Variants in KIAA1217 observed in about 807,000 individuals in gnomAD.
KIAA1217 encodes the protein sickle tail protein homolog.
KIAA1217 carries 88 observed loss-of-function variants against 163.9 expected under a neutral mutation model. That is an observed-to-expected ratio of 0.54 (90% confidence interval 0.45 to 0.64). KIAA1217 has a LOEUF of 0.64. Among genes scored for constraint, KIAA1217 ranks in the 30% least tolerant of loss-of-function variants. The pLI is 0.00. For missense variants in KIAA1217, 2,372 were observed against 2,475.0 expected (o/e 0.96, Z 0.88); for synonymous variants, 903 against 923.1 (o/e 0.98, Z 0.39).
intron 1 of KIAA1217, among the ~76,000 whole-genome samples, chr10:23,730,020 G>A (rs1838388060): frequency 6.6e-6 from 1 of 151,966 alleles, no homozygotes; most frequent in Middle Eastern, 3.2e-3. Context: ...TCCTGCCTCA[G>A]TCTCCCAAGT....
intron 1 of KIAA1217, among the ~76,000 whole-genome samples, chr10:23,907,292 T>TTGTG (rs146002283): frequency 0.016 from 2,388 of 145,842 alleles, 62 homozygotes; most frequent in African/African-American, 0.056. Context: ...CCAATATGAT[T>TTGTG]TGTGTGTGTG....
intron 5 of KIAA1217, among the ~76,000 whole-genome samples, chr10:24,447,476 A>G (rs1469418060): frequency 1.3e-5 from 2 of 152,056 alleles, no homozygotes; most frequent in Middle Eastern, 3.4e-3. Flanking sequence ...TATGAGTGAG[A>G]ACATGTGGTG....
intron 2 of KIAA1217, among the ~76,000 whole-genome samples, chr10:24,042,664 T>C (rs1282189972): frequency 6.6e-6 from 1 of 152,144 alleles, no homozygotes; most frequent in Non-Finnish European, 1.5e-5. Context: ...AAATAACCAA[T>C]AATTATTAGG....
In KIAA1217 at chr10:24,452,217, A is replaced by G. The variant is rs138486481; in HGVS notation, c.846+13738A>G. ...CTTGCATGTGGTTTGCAGAAGTCAT[A>G]GATACTCTGTCCGCTTTTGAGGAAC... On this transcript the variant is annotated intron_variant, in intron 5 of 20. Transcript: ENST00000376454. Among the ~76,000 whole-genome samples the G allele has an allele frequency of 1.4e-4, 21 of 152,278 alleles. No individual in the cohort carries two copies. In the East Asian group the frequency reaches 3.9e-3, roughly 28 times the overall value.
At chr10:24,281,686 A>G (rs2132225988) in intron 2 of KIAA1217, among the ~76,000 whole-genome samples, 1 of 152,288 alleles carries the variant, frequency 6.6e-6, no homozygotes, top group South Asian at 2.1e-4. Flanking sequence ...TATCATGAGT[A>G]GACTAGGGTT....
intron 5 of KIAA1217, among the ~76,000 whole-genome samples, chr10:24,459,991 GT>G (rs1339695506): frequency 1.3e-5 from 2 of 152,186 alleles, no homozygotes; most frequent in Non-Finnish European, 2.9e-5. Context: ...CAAAATGCTA[GT>G]TCCGGGACTC....
intron 2 of KIAA1217, among the ~76,000 whole-genome samples, chr10:24,116,159 C>T (rs2131759251): frequency 6.6e-6 from 1 of 152,216 alleles, no homozygotes; most frequent in Non-Finnish European, 1.5e-5. Context: ...TCTACCCCCA[C>T]CCCAGGCCTC....
chr10:23,971,925 G>A (rs1254728277), intron 1 of KIAA1217, among the ~76,000 whole-genome samples: 2 of 152,148 alleles, frequency 1.3e-5, no homozygotes, highest in Non-Finnish European at 2.9e-5. Context: ...ACACTCTCTT[G>A]TATTGATTCC....
chr10:23,845,666 T>A (rs1003012576), intron 1 of KIAA1217, among the ~76,000 whole-genome samples: 3 of 152,210 alleles, frequency 2.0e-5, no homozygotes, highest in African/African-American at 7.2e-5. Context: ...GCAAAAAATT[T>A]CTCCCATTCT....
chr10:24,310,856 G>T (rs1564449701), intron 2 of KIAA1217, among the ~76,000 whole-genome samples: 1 of 152,244 alleles, frequency 6.6e-6, no homozygotes, highest in East Asian at 1.9e-4. Flanking sequence ...AATTAGCCAA[G>T]TGTGGTGGTG....
At chr10:24,096,287 A>G (rs948130360) in intron 2 of KIAA1217, among the ~76,000 whole-genome samples, 1 of 152,030 alleles carries the variant, frequency 6.6e-6, no homozygotes, top group African/African-American at 2.4e-5. Flanking sequence ...CAGATCCCCC[A>G]TGGCTGATCA....
chr10:23,922,428 G>A (rs1381270639), intron 1 of KIAA1217, among the ~76,000 whole-genome samples: 2 of 152,176 alleles, frequency 1.3e-5, no homozygotes, highest in Non-Finnish European at 2.9e-5. Context: ...TGAGAAGGGG[G>A]TTATGGGAAT....
At chr10:23,774,560 G>T (rs1834930216) in intron 1 of KIAA1217, among the ~76,000 whole-genome samples, 1 of 152,198 alleles carries the variant, frequency 6.6e-6, no homozygotes, top group Non-Finnish European at 1.5e-5. Context: ...CAGTTCTCTT[G>T]AGGATGGAAA....
At chr10:24,193,171 G>A (rs1467222122) in intron 2 of KIAA1217, among the ~76,000 whole-genome samples, 1 of 151,712 alleles carries the variant, frequency 6.6e-6, no homozygotes, top group Non-Finnish European at 1.5e-5. Context: ...TTCCCACCTC[G>A]GCCTCCCCCT....
chr10:24,473,748 G>A lies in KIAA1217; in HGVS notation c.1367G>A (p.Arg456Lys). 6.2e-7 allele frequency: 1 copy of A among 1,614,044 alleles called. No homozygotes were observed. The highest frequency in any genetic ancestry group is 1.1e-5 in the South Asian group (1 of 91,072). Residue 456 changes from arginine (R) to lysine (K), a missense_variant, in exon 6 of 21, where the codon AGG becomes AAG. Physicochemically the swap from Arg to Lys is conservative, Grantham distance 26. Around this residue, in one of 3 missense-constraint regions of KIAA1217, gnomAD observed 1,431 missense variants for 1,470.3 expected, o/e 0.97. Coordinates refer to ENST00000376454, the MANE Select transcript of KIAA1217 (RefSeq NM_019590.5). Reference protein sequence around the residue: ...MEQSLYRQKSRKYPDSHLPTL... With the variant: ...MEQSLYRQKSKKYPDSHLPTL... ...CAATCACTGTACAGACAGAAATCAA[G>A]GAAATATCCGGATAGCCATTTGCCT... is the stretch of plus-strand genomic sequence containing the variant.
At chr10:23,982,986 C>T (rs1035161103) in intron 1 of KIAA1217, among the ~76,000 whole-genome samples, 1 of 151,976 alleles carries the variant, frequency 6.6e-6, no homozygotes, top group African/African-American at 2.4e-5. Flanking sequence ...GATTGCCTAG[C>T]CTTGATCTCG....
intron 1 of KIAA1217, among the ~76,000 whole-genome samples, chr10:23,932,171 C>A (rs1315273930): frequency 1.3e-5 from 2 of 152,104 alleles, no homozygotes; most frequent in African/African-American, 4.8e-5. Flanking sequence ...CTGAAGTTGA[C>A]CTCCTGGGAC....
At chr10:23,886,396 G>C (rs1404840410) in intron 1 of KIAA1217, among the ~76,000 whole-genome samples, 3 of 151,982 alleles carry the variant, frequency 2.0e-5, no homozygotes, top group Non-Finnish European at 4.4e-5. Context: ...TTGCCTTTTA[G>C]TCAAAACAGT....
At chr10:24,121,703 A>G (rs1442312892) in intron 2 of KIAA1217, among the ~76,000 whole-genome samples, 1 of 152,216 alleles carries the variant, frequency 6.6e-6, no homozygotes, top group Non-Finnish European at 1.5e-5. Flanking sequence ...GCCTTTTTCA[A>G]CAAAAGGCAT....
Sources: gnomAD v4.1 joint callset for allele counts (sites outside exome capture counted in the v4.1 genomes callset) on GRCh38, gnomAD v4.1.1 for gene constraint, gnomAD v4.1.1 regional missense constraint, MANE v1.5 for transcripts, NCBI Gene and HGNC (gene_info 2026-07-23, HGNC 2026-07-21) for gene names.